The following FNBP4 variants were observed in gnomAD, a reference collection of about 807,000 sequenced individuals.
The protein encoded by FNBP4 is formin-binding protein 4.
A neutral mutation model predicts 119.3 loss-of-function variants in FNBP4; 34 were observed. That is an observed-to-expected ratio of 0.28 (90% CI 0.22 to 0.38). The LOEUF (loss-of-function observed/expected upper bound fraction) is 0.38, where lower values mean the gene tolerates loss of function less well. Ranked by LOEUF, FNBP4 falls within the 10% of genes least tolerant of loss-of-function variation. The probability of loss-of-function intolerance (pLI) is 1.00; values close to 1 mark genes in which losing one functional copy is unlikely to be tolerated. For missense variants in FNBP4, 1,112 were observed against 1,228.9 expected, an observed-to-expected ratio of 0.90 and a Z score of 1.42; for synonymous variants, 462 against 430.6, an observed-to-expected ratio of 1.07 and a Z score of -0.90.
intron 2 of FNBP4, among the ~76,000 whole-genome samples, chr11:47,762,233 G>A (rs1054989435): frequency 6.6e-6 from 1 of 151,646 alleles, no homozygotes; most frequent in Admixed American, 6.6e-5. Context: ...CCGGGTTCAA[G>A]CGATTCTCCC....
chr11:47,724,538 G>A lies in FNBP4; in HGVS notation c.2249C>T (p.Pro750Leu). The A allele has an allele frequency of 6.2e-7, 1 of 1,614,162 alleles. No homozygotes were observed. The highest frequency in any genetic ancestry group is 8.5e-7 in the Non-Finnish European group (1 of 1,180,034). Residue 750 changes from proline (P) to leucine (L), a missense_variant, in exon 13 of 17, where the codon CCC (proline) becomes CTC (leucine). Around this residue, in one of 2 missense-constraint regions of FNBP4, gnomAD observed 826 missense variants for 988.8 expected, o/e 0.84. Coordinates refer to ENST00000263773, the MANE Select transcript of FNBP4 (RefSeq NM_015308.5). ...ATCTTCCTCTGTTCCTGGGGCAGGG[G>A]GCTCCTCACTTCCCTCATCCTCCAT... ...VEMEDEGSEE[P>L]PAPGTEEDTP...
At chr11:47,719,866 A>G in intron 16 of FNBP4, 63 bp downstream of exon 16, 2 of 1,532,906 alleles carry the variant, frequency 1.3e-6, no homozygotes, top group Non-Finnish European at 8.9e-7. Context: ...AACCTACTCC[A>G]TCTCATAGTA....
chr11:47,758,390 A>G (rs1224502571), intron 2 of FNBP4, among the ~76,000 whole-genome samples: 1 of 152,062 alleles, frequency 6.6e-6, no homozygotes, highest in African/African-American at 2.4e-5. Flanking sequence ...TTAAGCACAC[A>G]AAAGGTTTCA....
In FNBP4 at chr11:47,750,996, C is replaced by T; in HGVS notation, c.826G>A (p.Asp276Asn). The T allele has an allele frequency of 1.9e-6, 3 of 1,613,986 alleles. No individual in the cohort carries two copies. Among genetic ancestry groups the T allele is most frequent in the Admixed American group, 1.7e-5 (1 of 59,986 alleles). Residue 276 changes from aspartate to asparagine, a missense_variant, in exon 6 of 17, where the codon GAC (aspartate) becomes AAC (asparagine). Physicochemically the swap from Asp to Asn is conservative, Grantham distance 23. This residue lies in a region of FNBP4 where 826 missense variants were observed against 988.8 expected (regional missense o/e 0.84). Transcript: ENST00000263773. ...GAETSFVVNT[D>N]IYSKEKTISV... Reference sequence around the variant, plus strand: ...ATCGTTTTCTCCTTAGAATATATGTCTGTATTTACCACAAAACTAGTTTCA... The same window carrying T: ...ATCGTTTTCTCCTTAGAATATATGTTTGTATTTACCACAAAACTAGTTTCA...
At chr11:47,737,230 CT>C (rs1202118148) in intron 8 of FNBP4, among the ~76,000 whole-genome samples, 1 of 152,100 alleles carries the variant, frequency 6.6e-6, no homozygotes, top group African/African-American at 2.4e-5. Flanking sequence ...TTATAATCAA[CT>C]TTCTTAAAAT....
At chr11:47,719,670 G>T (rs1201988169) in intron 16 of FNBP4, among the ~76,000 whole-genome samples, 1 of 151,394 alleles carries the variant, frequency 6.6e-6, no homozygotes, top group African/African-American at 2.4e-5. Context: ...GTTAAGACAG[G>T]CCTTTGCCTA....
At chr11:47,762,138 GTT>G (rs560691118) in intron 2 of FNBP4, among the ~76,000 whole-genome samples, 1 of 138,130 alleles carries the variant, frequency 7.2e-6, no homozygotes. Flanking sequence ...GCGTCTGGCT[GTT>G]TTTTTTTTTT....
chr11:47,739,694 G>A (rs984877612), intron 8 of FNBP4, among the ~76,000 whole-genome samples: 1 of 152,172 alleles, frequency 6.6e-6, no homozygotes, highest in South Asian at 2.1e-4. Flanking sequence ...GGGGAGCGAG[G>A]CAGGAGCATC....
At chr11:47,717,563 G>T in intron 16 of FNBP4, 51 bp from the exon 17 acceptor site, 1 of 1,281,574 alleles carries the variant, frequency 7.8e-7, no homozygotes, top group Non-Finnish European at 1.1e-6. Context: ...ATTAACAAAA[G>T]TATTCATTTC....
At chr11:47,720,845 C>T (rs762501610) in intron 15 of FNBP4, among the ~76,000 whole-genome samples, 3 of 150,744 alleles carry the variant, frequency 2.0e-5, no homozygotes, top group East Asian at 3.9e-4. Context: ...GGGGCGGTGG[C>T]GGCGGCGGTG....
chr11:47,766,171 G>T (rs2097647436), intron 1 of FNBP4, among the ~76,000 whole-genome samples: 1 of 151,794 alleles, frequency 6.6e-6, no homozygotes, highest in Non-Finnish European at 1.5e-5. Flanking sequence ...AAAATTAGCC[G>T]GGCATGGTGG....
intron 12 of FNBP4, among the ~76,000 whole-genome samples, chr11:47,728,135 C>T (rs747142723): frequency 2.0e-5 from 3 of 152,170 alleles, no homozygotes; most frequent in Non-Finnish European, 4.4e-5. Context: ...CTCAGCCTCC[C>T]AAAGTGCTGG....
In FNBP4 at chr11:47,739,178, T is replaced by A. The variant is rs1359581909; in HGVS notation, c.1457-2438A>T. Among the ~76,000 whole-genome samples, 6 of 152,020 alleles carry A rather than the reference T, an allele frequency of 3.9e-5. No homozygotes were observed. In the East Asian group the frequency reaches 1.2e-3, roughly 29 times the overall value. On this transcript the variant is annotated intron_variant, in intron 8 of 16. Coordinates refer to ENST00000263773, the MANE Select transcript of FNBP4 (RefSeq NM_015308.5). Reference sequence around the variant, plus strand: ...AACTCCTGAACTCAAGTAATCCCCATGCCTCAGCCTCCCAGAATGCTGGGA... The same window carrying A: ...AACTCCTGAACTCAAGTAATCCCCAAGCCTCAGCCTCCCAGAATGCTGGGA...
rs1387749604 is a variant in FNBP4, at chr11:47,736,699, C to A, written c.1498G>T (p.Asp500Tyr). The change falls in exon 9 of 17, where the codon GAT (aspartate) becomes TAT (tyrosine). Residue 500 changes from aspartate to tyrosine, a missense_variant. Transcript: ENST00000263773. Reference protein sequence around the residue: ...ENSEKIDENSDKEMEVEESPE... With the variant: ...ENSEKIDENSYKEMEVEESPE... ...GATTCTTCTACTTCCATCTCTTTAT[C>A]TGAATTCTCATCTATTTTTTCTGAA... 1 of 1,604,622 alleles carries A rather than the reference C, an allele frequency of 6.2e-7. No individual in the cohort carries two copies. The highest frequency in any genetic ancestry group is 1.7e-5 in the Admixed American group (1 of 59,390).
At chr11:47,725,803 A>C in intron 12 of FNBP4, 6 of 983,076 alleles carry the variant, frequency 6.1e-6, no homozygotes, top group Non-Finnish European at 7.2e-6. Flanking sequence ...ACTATTAGAT[A>C]TATATCCCAG....
At chr11:47,734,301 C>T (rs1348644771) in intron 9 of FNBP4, among the ~76,000 whole-genome samples, 172 bp from the exon 10 acceptor site, 1 of 152,144 alleles carries the variant, frequency 6.6e-6, no homozygotes, top group Non-Finnish European at 1.5e-5. Context: ...TTTATAGTAA[C>T]ATAATACACA....
rs551690606 is a variant in FNBP4, at chr11:47,750,945, G to C, written c.877C>G (p.Pro293Ala). Residue 293 changes from proline (P) to alanine (A), a missense_variant, in exon 6 of 17, where the codon CCA (proline) becomes GCA (alanine). Pro to Ala is a conservative substitution (Grantham distance 27). This residue lies in a region of FNBP4 where 826 missense variants were observed against 988.8 expected (regional missense o/e 0.84). Transcript: ENST00000263773. ...TTAACTTCTCGCTTGGCTATGACTG[G>C]TCCACTTTTACTACTGGAAACAGAA... ...TISVSSSKSG[P>A]VIAKREVKKE... is the part of the protein sequence containing the mutation. 1 of 1,613,892 alleles carries C rather than the reference G, an allele frequency of 6.2e-7. No homozygotes were observed. The highest frequency in any genetic ancestry group is 8.5e-7 in the Non-Finnish European group (1 of 1,179,978).
intron 16 of FNBP4, among the ~76,000 whole-genome samples, chr11:47,718,429 G>A (rs2097551922): frequency 6.6e-6 from 1 of 151,664 alleles, no homozygotes; most frequent in African/African-American, 2.4e-5. Flanking sequence ...GGCCAGGCTG[G>A]TCTCGAACTC....
chr11:47,745,447 G>A (rs1277001249), intron 7 of FNBP4, among the ~76,000 whole-genome samples: 22 of 152,022 alleles, frequency 1.4e-4, no homozygotes, highest in Non-Finnish European at 1.5e-5. Context: ...ACTGAGATAC[G>A]CCCTGGTCTC....
Sources: gnomAD v4.1 joint callset for allele counts (sites outside exome capture counted in the v4.1 genomes callset) on GRCh38, gnomAD v4.1.1 for gene constraint, gnomAD v4.1.1 regional missense constraint, MANE v1.5 for transcripts, NCBI Gene and HGNC (gene_info 2026-07-23, HGNC 2026-07-21) for gene names.